Variants in DNAJC25 observed in about 807,000 individuals in gnomAD.
The protein encoded by DNAJC25 is DnaJ heat shock protein family (Hsp40) member C25.
DNAJC25 carries 26 observed loss-of-function variants against 42.1 expected under a neutral mutation model. The observed-to-expected ratio is 0.62, with a 90% CI of 0.45 to 0.86. DNAJC25 has a LOEUF of 0.86. DNAJC25 is among the 40% of genes least tolerant of loss of function. The probability of loss-of-function intolerance (pLI) is 0.00; values close to 1 mark genes in which losing one functional copy is unlikely to be tolerated. For missense variants in DNAJC25, 404 were observed against 459.4 expected, an observed-to-expected ratio of 0.88 and a Z score of 1.10; for synonymous variants, 189 against 179.9, an observed-to-expected ratio of 1.05 and a Z score of -0.40.
intron 1 of DNAJC25, among the ~76,000 whole-genome samples, chr9:111,635,847 T>C (rs957683692): frequency 6.6e-6 from 1 of 152,196 alleles, no homozygotes; most frequent in Non-Finnish European, 1.5e-5. Flanking sequence ...CTTTTACCAG[T>C]CTGATGTGGC....
intron 3 of DNAJC25, among the ~76,000 whole-genome samples, chr9:111,650,983 A>G (rs1260774898): frequency 3.9e-5 from 6 of 152,124 alleles, no homozygotes; most frequent in African/African-American, 7.2e-5. Context: ...AGTGTTATTT[A>G]GGGCTGGGTG....
rs79555648 is a variant in DNAJC25, at chr9:111,644,598, C to G, written c.337-2509C>G. Among the ~76,000 whole-genome samples the G allele has an allele frequency of 4.3e-3, 649 of 152,210 alleles. 4 individuals carry two copies. Among genetic ancestry groups the G allele is most frequent in the Non-Finnish European group, 6.1e-3 (412 of 67,998 alleles). ...TTCAACCAGGAGGAGTGCAGACAGC[C>G]GGGGCAAAGGGCTGCACAGAGACAA... On this transcript the variant is annotated intron_variant, in intron 1 of 3. Coordinates refer to ENST00000313525, the MANE Select transcript of DNAJC25 (RefSeq NM_001015882.3).
intron 1 of DNAJC25, among the ~76,000 whole-genome samples, chr9:111,643,963 C>T (rs1830527443): frequency 1.3e-5 from 2 of 152,116 alleles, no homozygotes. Context: ...TAAGTTTTAC[C>T]TATTTGTGCT....
chr9:111,637,321 A>G (rs1830378751), intron 1 of DNAJC25, among the ~76,000 whole-genome samples: 1 of 152,224 alleles, frequency 6.6e-6, no homozygotes, highest in African/African-American at 2.4e-5. Context: ...TATGTATTGA[A>G]TAGTTACCAG....
intron 1 of DNAJC25, among the ~76,000 whole-genome samples, chr9:111,638,140 C>A (rs988703319): frequency 1.2e-4 from 18 of 152,084 alleles, no homozygotes; most frequent in Admixed American, 5.9e-4. Context: ...GCATAAACTT[C>A]AAAAGAAGAT....
Position 111,638,857 on chromosome 9 carries a change from TA to T in DNAJC25, c.336+7116del. Among the ~76,000 whole-genome samples, 2 of 151,952 alleles carry T rather than the reference TA, an allele frequency of 1.3e-5. 1 individual carries two copies. The highest frequency in any genetic ancestry group is 4.2e-4 in the South Asian group (2 of 4,806). On this transcript the variant is annotated intron_variant, in intron 1 of 3. Coordinates refer to ENST00000313525, the MANE Select transcript of DNAJC25 (RefSeq NM_001015882.3). ...TTGAATAGCACAGTTGATAACATCC[TA>T]ACTCTTTGGTGCAGCATACAAGATC...
intron 1 of DNAJC25, among the ~76,000 whole-genome samples, chr9:111,636,756 C>G (rs73656280): frequency 2.0e-5 from 3 of 152,114 alleles, no homozygotes; most frequent in Non-Finnish European, 4.4e-5. Flanking sequence ...AAACTCTTAC[C>G]TTTTAAGAGT....
Position 111,649,905 on chromosome 9 carries a change from G to A in DNAJC25, c.942G>A (p.Trp314Ter), listed in dbSNP as rs772506765. 6.3e-7 allele frequency: 1 copy of A among 1,579,996 alleles called. No individual in the cohort carries two copies. The highest frequency in any genetic ancestry group is 1.9e-5 in the Admixed American group (1 of 53,552). ...AAACTTTTCTTAAACGAGAGCTCTG[G>A]ATCAAGGAGAATTATGAGGTGAGTA... ...QKETFLKREL[W>*]IKENYEVYKQ... The change falls in exon 3 of 4, where the codon TGG becomes TGA. Residue 314 changes from tryptophan to a stop codon, truncating the protein, a stop_gained. Coordinates refer to ENST00000313525, the MANE Select transcript of DNAJC25 (RefSeq NM_001015882.3). LOFTEE classifies it high-confidence loss of function.
At chr9:111,638,602 A>G (rs1431365001) in intron 1 of DNAJC25, among the ~76,000 whole-genome samples, 1 of 151,988 alleles carries the variant, frequency 6.6e-6, no homozygotes, top group Non-Finnish European at 1.5e-5. Context: ...TCATTATCTT[A>G]GTGAGTAACA....
Position 111,653,265 on chromosome 9 carries a change from T to C in DNAJC25, c.*43T>C. On this transcript the variant is annotated 3_prime_UTR_variant, in exon 4 of 4. Transcript: ENST00000313525. ...CTATGCCAAACCTTAATTGTGATAT[T>C]ATTTTCATAACTGAATTATTTTAGA... 7.0e-7 allele frequency: 1 copy of C among 1,433,196 alleles called. No homozygotes were observed. Among genetic ancestry groups the C allele is most frequent in the Non-Finnish European group, 9.2e-7 (1 of 1,084,404 alleles). The allele number at this position is 1,433,196 out of a possible 1,614,324, so 88.8% of individuals were successfully genotyped here. A position where few individuals can be genotyped will look rare whatever the true frequency, so the allele number is the denominator to read the frequency against.
chr9:111,641,112 G>A (rs1234213649), intron 1 of DNAJC25, among the ~76,000 whole-genome samples: 6 of 97,160 alleles, frequency 6.2e-5, no homozygotes, highest in African/African-American at 2.7e-4. Flanking sequence ...CAGCCACCCC[G>A]TCCGGGAGGG....
chr9:111,642,577 C>G (rs3930240), intron 1 of DNAJC25, among the ~76,000 whole-genome samples: 3,441 of 141,652 alleles, frequency 0.024, 68 homozygotes, highest in African/African-American at 0.087. Context: ...CCAAATCCCC[C>G]TCTGTGAGAA....
At chr9:111,640,976 A>T (rs1370781109) in intron 1 of DNAJC25, among the ~76,000 whole-genome samples, 1 of 99,762 alleles carries the variant, frequency 1.0e-5, no homozygotes, top group Admixed American at 9.7e-5. Flanking sequence ...CCGCCTGGCC[A>T]GCCGTGCCGT....
At chr9:111,633,617 G>A (rs568795950) in intron 1 of DNAJC25, among the ~76,000 whole-genome samples, 3 of 152,258 alleles carry the variant, frequency 2.0e-5, no homozygotes, top group South Asian at 4.1e-4. Flanking sequence ...GCCTTCTGCT[G>A]GGCTTTGTAG....
intron 3 of DNAJC25, among the ~76,000 whole-genome samples, chr9:111,650,679 A>G (rs1478050436): frequency 1.3e-5 from 2 of 152,142 alleles, no homozygotes; most frequent in Non-Finnish European, 2.9e-5. Context: ...TTTATCATAT[A>G]GTGTTGGGGT....
chr9:111,647,002 A>G, intron 1 of DNAJC25, 105 bp from the exon 2 acceptor site: 2 of 1,281,740 alleles, frequency 1.6e-6, no homozygotes, highest in Non-Finnish European at 2.0e-6. Flanking sequence ...TTTTACTCAG[A>G]TTAACCTTAC....
chr9:111,637,222 G>A (rs1037565342), intron 1 of DNAJC25, among the ~76,000 whole-genome samples: 4 of 152,150 alleles, frequency 2.6e-5, no homozygotes, highest in South Asian at 2.1e-4. Context: ...GCGAGGTGCC[G>A]TGGGAGGGAG....
intron 1 of DNAJC25, among the ~76,000 whole-genome samples, chr9:111,643,256 T>G (rs1200982457): frequency 6.6e-6 from 1 of 152,232 alleles, no homozygotes; most frequent in African/African-American, 2.4e-5. Context: ...AGTGGAGAGA[T>G]GCATATTGCA....
In DNAJC25 at chr9:111,651,439, A is replaced by G. The variant is rs115684769; in HGVS notation, c.960+1516A>G. 3.3e-3 allele frequency among the ~76,000 whole-genome samples: 495 copies of G among 152,186 alleles called. 1 individual carries two copies. Among genetic ancestry groups the G allele is most frequent in the Middle Eastern group, 0.014 (4 of 294 alleles). On this transcript the variant is annotated intron_variant, in intron 3 of 3. Coordinates refer to ENST00000313525, the MANE Select transcript of DNAJC25 (RefSeq NM_001015882.3). ...AAAACTGTGTCTTTCTTAGGGTGCT[A>G]TTGTGGGGTGAATTATATGTTATTG...
Sources: allele counts gnomAD v4.1 joint callset (sites outside exome capture counted in the v4.1 genomes callset), GRCh38; gene constraint gnomAD v4.1.1; transcripts MANE v1.5; gene names NCBI Gene and HGNC (gene_info 2026-07-23, HGNC 2026-07-21).